Variants in USP21 observed in about 807,000 individuals in gnomAD.
USP21 encodes ubiquitin specific peptidase 21.
Under a neutral mutation model 70.8 loss-of-function variants are expected in USP21, and 37 were observed. The observed-to-expected ratio is 0.52, with a 90% CI of 0.40 to 0.69. The LOEUF is 0.69. Among genes scored for constraint, USP21 ranks in the 30% least tolerant of loss-of-function variants. The probability of loss-of-function intolerance (pLI) is 0.00; values close to 1 mark genes in which losing one functional copy is unlikely to be tolerated. For missense variants in USP21, 584 were observed against 740.8 expected, an observed-to-expected ratio of 0.79 and a Z score of 2.46; for synonymous variants, 263 against 283.1, an observed-to-expected ratio of 0.93 and a Z score of 0.71.
In USP21 at chr1:161,164,698, C is replaced by T; in HGVS notation, c.1384+86C>T. 2 of 1,605,422 alleles carry T rather than the reference C, an allele frequency of 1.2e-6. No homozygotes were observed. Among genetic ancestry groups the T allele is most frequent in the Non-Finnish European group, 1.7e-6 (2 of 1,174,294 alleles). On this transcript the variant is annotated intron_variant, in intron 11 of 13. Coordinates refer to ENST00000368002, the MANE Select transcript of USP21 (RefSeq NM_001014443.3). This position sits in a 1 kb window ranked among gnomAD's most constrained non-coding sequence, Gnocchi z 4.2. ...CATGTTTCCAGAGAATTGAATTTTC[C>T]TTAGGAAAAGTCTGCCACCCACTTT...
At chr1:161,163,821 A>C in intron 8 of USP21, 57 bp from the exon 9 acceptor site, 24 of 1,406,954 alleles carry the variant, frequency 1.7e-5, no homozygotes, top group Non-Finnish European at 2.3e-5. Context: ...AAATCCAAGA[A>C]ATCATCTCAT....
rs1658461490 is a variant in USP21, at chr1:161,165,060, C to T, written c.1524C>T (p.Cys508=). 1.2e-6 allele frequency: 2 copies of T among 1,613,964 alleles called. No homozygotes were observed. The highest frequency in any genetic ancestry group is 2.7e-5 in the African/African-American group (2 of 74,884). Residue 508 remains cysteine (C), a synonymous_variant, in exon 13 of 14, where the codon TGC becomes TGT. Transcript: ENST00000368002. ...CTGTATACCAGCTGTATGCCCTTTG[C>T]AACCACTCAGGCAGCGTCCACTATG... ...GSPVYQLYAL[C]NHSGSVHYGH... is the part of the protein sequence containing the mutation.
rs1658076618 is a variant in USP21 at position 161,163,058 on chromosome 1, GA to G, written c.1035del (p.Glu346AsnfsTer4). 1.9e-6 allele frequency: 3 copies of G among 1,606,278 alleles called. No individual in the cohort carries two copies. Among genetic ancestry groups the G allele is most frequent in the Non-Finnish European group, 2.5e-6 (3 of 1,177,174 alleles). On this transcript the variant is annotated frameshift_variant, in exon 7 of 14. Coordinates refer to ENST00000368002, the MANE Select transcript of USP21 (RefSeq NM_001014443.3). LOFTEE classifies it high-confidence loss of function. The part of the protein sequence containing the change: ...SPPRRGGALL[E>X]EPELSDDDRA... ...ACCCCGCCGAGGAGGGGCTCTGCTAGAAGAACCTGAGTTAAGGTAAGGGTCG... is the reference window on the plus strand; with the variant it reads ...ACCCCGCCGAGGAGGGGCTCTGCTAGAGAACCTGAGTTAAGGTAAGGGTCG...
rs1472977202 is a variant in USP21 at position 161,162,049 on chromosome 1, A to G, written c.612A>G (p.Thr204=). Residue 204 remains threonine, a synonymous_variant, in exon 4 of 14, where the codon ACA becomes ACG. Transcript: ENST00000368002. The surrounding 1 kb of genome is among the most constrained non-coding windows in gnomAD (Gnocchi z 4.1). ...FYSDDKMAHH[T]LLLGSGHVGL... The stretch of plus-strand genomic sequence containing the variant: ...CTCTGACCTTCCAGGCTCATCACAC[A>G]CTCCTTCTGGGCTCTGGTCATGTTG... The G allele has an allele frequency of 2.5e-6, 4 of 1,613,680 alleles. No individual in the cohort carries two copies. The highest frequency in any genetic ancestry group is 2.5e-6 in the Non-Finnish European group (3 of 1,179,958).
chr1:161,162,780 CCAAG>C lies in USP21; in HGVS notation c.893+59_893+62del. The C allele has an allele frequency of 6.3e-7, 1 of 1,579,082 alleles. No homozygotes were observed. The highest frequency in any genetic ancestry group is 8.7e-7 in the Non-Finnish European group (1 of 1,148,582). ...TCTCTGGCCATGTCTGGGGGTAGGGCCAAGCAAGGGCCCTGGCAGCATTGTTCTG... is the reference window on the plus strand; with the variant it reads ...TCTCTGGCCATGTCTGGGGGTAGGGCCAAGGGCCCTGGCAGCATTGTTCTG... On this transcript the variant is annotated intron_variant, in intron 6 of 13. Coordinates refer to ENST00000368002, the MANE Select transcript of USP21 (RefSeq NM_001014443.3). The surrounding 1 kb of genome is among the most constrained non-coding windows in gnomAD (Gnocchi z 4.1).
rs1400698563 is a variant in USP21, at chr1:161,162,744, T to C, written c.893+18T>C. 1.2e-6 allele frequency: 2 copies of C among 1,602,248 alleles called. No homozygotes were observed. Among genetic ancestry groups the C allele is most frequent in the Non-Finnish European group, 1.7e-6 (2 of 1,169,126 alleles). On this transcript the variant is annotated intron_variant, in intron 6 of 13. Transcript: ENST00000368002. The surrounding 1 kb of genome is among the most constrained non-coding windows in gnomAD (Gnocchi z 4.1). ...GGATACAGGTGGGAGAGCTGGAGGC[T>C]ATGGGATTTCTCTCTGGCCATGTCT...
rs910445809 is a variant in USP21, at chr1:161,162,108, T to C, written c.660+11T>C. On this transcript the variant is annotated intron_variant, in intron 4 of 13. Coordinates refer to ENST00000368002, the MANE Select transcript of USP21 (RefSeq NM_001014443.3). The surrounding 1 kb of genome is among the most constrained non-coding windows in gnomAD (Gnocchi z 4.1). ...AACCTGGGAAACACGGTGAGAGCTA[T>C]TCTCCTATCTTTCCTCTCTAAAAGG... 1 of 1,614,082 alleles carries C rather than the reference T, an allele frequency of 6.2e-7. No individual in the cohort carries two copies. Among genetic ancestry groups the C allele is most frequent in the Non-Finnish European group, 8.5e-7 (1 of 1,179,948 alleles).
In USP21 at chr1:161,161,390, C is replaced by T. The variant is rs930518506; in HGVS notation, c.600+150C>T. 1.9e-6 allele frequency: 2 copies of T among 1,027,798 alleles called. No homozygotes were observed. The highest frequency in any genetic ancestry group is 1.7e-5 in the South Asian group (1 of 59,136). 63.7% of individuals were successfully genotyped at this position (1,027,798 alleles called of 1,614,324 possible). On this transcript the variant is annotated intron_variant, in intron 3 of 13. Coordinates refer to ENST00000368002, the MANE Select transcript of USP21 (RefSeq NM_001014443.3). This position sits in a 1 kb window ranked among gnomAD's most constrained non-coding sequence, Gnocchi z 4.2. ...GACATGCCTCTCCCTTGCTTAAATA[C>T]CCTTGAGCCTCCTAGACCCTTTTTT...
At chr1:161,160,003 A>C (rs1216351844) in intron 1 of USP21, among the ~76,000 whole-genome samples, 3 of 152,110 alleles carry the variant, frequency 2.0e-5, no homozygotes, top group African/African-American at 7.2e-5. Context: ...ACCATGTCGG[A>C]GGTCGGAGGT....
In USP21 at chr1:161,162,655, C is replaced by G; in HGVS notation, c.822C>G (p.Ser274=). Residue 274 remains serine, a synonymous_variant, in exon 6 of 14, where the codon TCC becomes TCG. Coordinates refer to ENST00000368002, the MANE Select transcript of USP21 (RefSeq NM_001014443.3). The surrounding 1 kb of genome is among the most constrained non-coding windows in gnomAD (Gnocchi z 4.1). ...TTGGTGCCCTCTGGCACCCTGACTC[C>G]TGCGAAGCTGTGAATCCTACTCGAT... ...DVIGALWHPD[S]CEAVNPTRFR... is the part of the protein sequence containing the mutation. 1 of 1,614,206 alleles carries G rather than the reference C, an allele frequency of 6.2e-7. No homozygotes were observed. The highest frequency in any genetic ancestry group is 8.5e-7 in the Non-Finnish European group (1 of 1,180,024).
rs1658235291 is a variant in USP21 at position 161,164,177 on chromosome 1, G to A, written c.1232G>A (p.Gly411Glu). 10 of 1,614,154 alleles carry A rather than the reference G, an allele frequency of 6.2e-6. No individual in the cohort carries two copies. The highest frequency in any genetic ancestry group is 2.7e-5 in the African/African-American group (2 of 75,022). Residue 411 changes from glycine (G) to glutamate (E), a missense_variant, in exon 10 of 14, where the codon GGG (glycine) becomes GAG (glutamate). Around this residue, in one of 4 missense-constraint regions of USP21, gnomAD observed 173 missense variants for 268.2 expected, o/e 0.65. Transcript: ENST00000368002. This position sits in a 1 kb window ranked among gnomAD's most constrained non-coding sequence, Gnocchi z 4.2. ...SLPIPKKGFA[G>E]GKVSLRDCFN... Reference sequence around the variant, plus strand: ...CTTTTCCCCCAGAAAGGATTTGCTGGGGGCAAGGTGTCTCTGCGGGATTGT... The same window carrying A: ...CTTTTCCCCCAGAAAGGATTTGCTGAGGGCAAGGTGTCTCTGCGGGATTGT...
chr1:161,160,866 C>T lies in USP21; in HGVS notation c.226C>T (p.Pro76Ser). Residue 76 changes from proline (P) to serine (S), a missense_variant, in exon 3 of 14, where the codon CCT (proline) becomes TCT (serine). By Grantham distance (74) the Pro-to-Ser change is moderately conservative. Transcript: ENST00000368002. Reference protein sequence around the residue: ...LELGRGRTSGPRPRGPLRADH... With the variant: ...LELGRGRTSGSRPRGPLRADH... ...GCTGGGACGGGGACGGACCTCAGGC[C>T]CTCGTCCCAGAGGCCCCCTTCGAGC... The T allele has an allele frequency of 1.2e-6, 2 of 1,614,216 alleles. No homozygotes were observed. Among genetic ancestry groups the T allele is most frequent in the South Asian group, 1.1e-5 (1 of 91,086 alleles).
Position 161,160,917 on chromosome 1 carries a change from T to G in USP21, c.277T>G (p.Ser93Ala), listed in dbSNP as rs994956917. ...AGATCATGGGGTTCCCCTGCCTGGCTCACCACCCCCAACAGTGGCTTTGCC... is the reference window on the plus strand; with the variant it reads ...AGATCATGGGGTTCCCCTGCCTGGCGCACCACCCCCAACAGTGGCTTTGCC... The part of the protein sequence containing the change: ...RADHGVPLPG[S>A]PPPTVALPLP... Residue 93 changes from serine to alanine, a missense_variant, in exon 3 of 14, where the codon TCA (serine) becomes GCA (alanine). Transcript: ENST00000368002. The G allele has an allele frequency of 1.9e-6, 3 of 1,614,052 alleles. No homozygotes were observed. The African/African-American group carries it at 4.0e-5, about 22-fold the overall frequency.
At position 161,160,882 on chromosome 1, in the gene USP21, C is replaced by T; in HGVS notation, c.242C>T (p.Pro81Leu). 1 of 1,614,232 alleles carries T rather than the reference C, an allele frequency of 6.2e-7. No individual in the cohort carries two copies. Reference sequence around the variant, plus strand: ...ACCTCAGGCCCTCGTCCCAGAGGCCCCCTTCGAGCAGATCATGGGGTTCCC... The same window carrying T: ...ACCTCAGGCCCTCGTCCCAGAGGCCTCCTTCGAGCAGATCATGGGGTTCCC... ...GRTSGPRPRG[P>L]LRADHGVPLP... The change falls in exon 3 of 14, where the codon CCC (proline) becomes CTC (leucine). Residue 81 changes from proline (P) to leucine (L), a missense_variant. By Grantham distance (98) the Pro-to-Leu change is moderately conservative. Transcript: ENST00000368002.
chr1:161,161,072 C>T lies in USP21; in HGVS notation c.432C>T (p.Leu144=). Residue 144 remains leucine, a synonymous_variant, in exon 3 of 14, where the codon CTC becomes CTT. Coordinates refer to ENST00000368002, the MANE Select transcript of USP21 (RefSeq NM_001014443.3). This position sits in a 1 kb window ranked among gnomAD's most constrained non-coding sequence, Gnocchi z 4.2. ...ELGAALSRLA[L]RPEPPTLRRS... ...GGGCTGCACTGAGCCGCTTGGCCCT[C>T]CGGCCTGAGCCACCCACTTTGAGAC... 6.2e-7 allele frequency: 1 copy of T among 1,614,232 alleles called. No homozygotes were observed. Among genetic ancestry groups the T allele is most frequent in the Non-Finnish European group, 8.5e-7 (1 of 1,180,042 alleles).
At chr1:161,165,174 C>T (rs1379523666) in intron 13 of USP21, 31 bp downstream of exon 13, 2 of 1,591,488 alleles carry the variant, frequency 1.3e-6, no homozygotes, top group South Asian at 2.2e-5. Context: ...ACATCCTGCC[C>T]CATTCCCACT....
In USP21 at chr1:161,161,775, G is replaced by A. The variant is rs1182476973; in HGVS notation, c.601-263G>A. On this transcript the variant is annotated intron_variant, in intron 3 of 13. Transcript: ENST00000368002. This position sits in a 1 kb window ranked among gnomAD's most constrained non-coding sequence, Gnocchi z 4.2. Reference sequence around the variant, plus strand: ...TGCTGGGGGAGTTGCCCCAGGAGCTGCAACGTCAGCTAGCTGAGCAGAGGA... The same window carrying A: ...TGCTGGGGGAGTTGCCCCAGGAGCTACAACGTCAGCTAGCTGAGCAGAGGA... 9.4e-6 allele frequency: 5 copies of A among 529,346 alleles called. No individual in the cohort carries two copies. In the Admixed American group the frequency reaches 1.3e-4, roughly 14 times the overall value. The allele number at this position is 529,346 out of a possible 1,614,324, so 32.8% of individuals were successfully genotyped here.
Position 161,164,752 on chromosome 1 carries a change from G to A in USP21, c.1385-83G>A, listed in dbSNP as rs2101820262. ...ACAAGATGCTCCCAGTGTGTCGGGA[G>A]TGGGGAGAGGACAGCTTTCAGGATA... On this transcript the variant is annotated intron_variant, in intron 11 of 13. Transcript: ENST00000368002. This position sits in a 1 kb window ranked among gnomAD's most constrained non-coding sequence, Gnocchi z 4.2. 2 of 1,596,846 alleles carry A rather than the reference G, an allele frequency of 1.3e-6. No individual in the cohort carries two copies. The highest frequency in any genetic ancestry group is 1.7e-5 in the Admixed American group (1 of 58,692).
Position 161,162,565 on chromosome 1 carries a change from C to T in USP21, c.782-50C>T, listed in dbSNP as rs762193753. 5 of 1,545,236 alleles carry T rather than the reference C, an allele frequency of 3.2e-6. No individual in the cohort carries two copies. Among genetic ancestry groups the T allele is most frequent in the Non-Finnish European group, 3.6e-6 (4 of 1,118,622 alleles). ...ACCCTCTGAGCCACCTTTTGCTTGC[C>T]TCTTCCAGACATTAACCTTTGTTTG... On this transcript the variant is annotated intron_variant, in intron 5 of 13. Transcript: ENST00000368002. This position sits in a 1 kb window ranked among gnomAD's most constrained non-coding sequence, Gnocchi z 4.1.
Sources: gnomAD v4.1 joint callset for allele counts (sites outside exome capture counted in the v4.1 genomes callset) on GRCh38, gnomAD v4.1.1 for gene constraint, gnomAD v4.1.1 regional missense constraint, Gnocchi (gnomAD v3.1) non-coding constraint, MANE v1.5 for transcripts, NCBI Gene and HGNC (gene_info 2026-07-23, HGNC 2026-07-21) for gene names.